Variants in GRIA4 observed in about 807,000 individuals in gnomAD.
The protein encoded by GRIA4 is glutamate ionotropic receptor AMPA type subunit 4.
A neutral mutation model predicts 104.0 loss-of-function variants in GRIA4; 34 were observed. That is an observed-to-expected ratio of 0.33 (90% CI 0.25 to 0.44). The LOEUF (loss-of-function observed/expected upper bound fraction) is 0.44, where lower values mean the gene tolerates loss of function less well. Ranked by LOEUF, GRIA4 falls within the 20% of genes least tolerant of loss-of-function variation. The pLI, the probability that GRIA4 is intolerant of heterozygous loss-of-function variation, is 1.00. For synonymous variants in GRIA4, 386 were observed against 381.9 expected (o/e 1.01, Z -0.13); for missense variants, 750 against 1,096.5 (o/e 0.68, Z 4.46).
intron 7 of GRIA4, among the ~76,000 whole-genome samples, chr11:105,902,825 G>A (rs1946907713): frequency 6.6e-6 from 1 of 152,148 alleles, no homozygotes; most frequent in African/African-American, 2.4e-5. Flanking sequence ...ATGATTAGTA[G>A]TTAGTAGTTG....
At chr11:105,632,783 A>G (rs1951068585) in intron 3 of GRIA4, among the ~76,000 whole-genome samples, 1 of 152,174 alleles carries the variant, frequency 6.6e-6, no homozygotes, top group South Asian at 2.1e-4. Context: ...AATAATAAAT[A>G]ATTAAAAAGA....
At chr11:105,918,669 G>A (rs1373726272) in intron 10 of GRIA4, 43 bp from the exon 11 acceptor site, 3 of 976,246 alleles carry the variant, frequency 3.1e-6, no homozygotes, top group Admixed American at 3.8e-5. Context: ...TTTTTCAAAT[G>A]TTTTATAATT....
intron 5 of GRIA4, among the ~76,000 whole-genome samples, chr11:105,865,220 A>G (rs1945361135): frequency 6.6e-6 from 1 of 152,238 alleles, no homozygotes; most frequent in Non-Finnish European, 1.5e-5. Context: ...AAATGGAAGA[A>G]TGTATGTAAA....
At chr11:105,740,749 A>G (rs1939254387) in intron 3 of GRIA4, among the ~76,000 whole-genome samples, 1 of 152,070 alleles carries the variant, frequency 6.6e-6, no homozygotes, top group Non-Finnish European at 1.5e-5. Flanking sequence ...GTCCAACTAT[A>G]TGTAGATCAG....
intron 5 of GRIA4, among the ~76,000 whole-genome samples, chr11:105,869,738 G>C (rs925651615): frequency 6.6e-5 from 10 of 151,982 alleles, no homozygotes; most frequent in African/African-American, 1.7e-4. Flanking sequence ...CTCTCTGCCA[G>C]CAAATGAAGT....
intron 3 of GRIA4, among the ~76,000 whole-genome samples, chr11:105,673,800 A>G (rs903488261): frequency 1.3e-5 from 2 of 152,012 alleles, no homozygotes; most frequent in African/African-American, 4.8e-5. Flanking sequence ...AAATAAATAA[A>G]TATTTAAAAC....
At chr11:105,940,052 G>A (rs1948145166) in intron 14 of GRIA4, among the ~76,000 whole-genome samples, 2 of 152,042 alleles carry the variant, frequency 1.3e-5, no homozygotes, top group Admixed American at 1.3e-4. Flanking sequence ...CGTGGTGGTA[G>A]AGTACAGAAG....
At chr11:105,849,189 A>G (rs1944707251) in intron 4 of GRIA4, among the ~76,000 whole-genome samples, 1 of 152,136 alleles carries the variant, frequency 6.6e-6, no homozygotes, top group South Asian at 2.1e-4. Flanking sequence ...GCTAGACTCC[A>G]TCTCAAAAAA....
chr11:105,773,878 A>G (rs1464781563), intron 4 of GRIA4, among the ~76,000 whole-genome samples: 1 of 152,134 alleles, frequency 6.6e-6, no homozygotes, highest in East Asian at 1.9e-4. Context: ...AGGGCAAAAA[A>G]AAAAAAAGTA....
At chr11:105,912,476 TC>T (rs1157374913) in intron 10 of GRIA4, 1 of 909,698 alleles carries the variant, frequency 1.1e-6, no homozygotes, top group African/African-American at 1.9e-5. Context: ...AAGCATGCTA[TC>T]AAAAAAAAAA....
chr11:105,679,658 T>C (rs903009161), intron 3 of GRIA4, among the ~76,000 whole-genome samples: 1 of 152,090 alleles, frequency 6.6e-6, no homozygotes, highest in African/African-American at 2.4e-5. Flanking sequence ...TTATGTTATA[T>C]GACAAGAGAA....
At chr11:105,920,200 C>A (rs1283596771) in intron 11 of GRIA4, among the ~76,000 whole-genome samples, 3 of 151,816 alleles carry the variant, frequency 2.0e-5, no homozygotes, top group Admixed American at 6.6e-5. Context: ...GCTTAGGTGA[C>A]CCTAAATGAG....
rs866836494 is a variant in GRIA4 at position 105,787,514 on chromosome 11, C to T, written c.487+34294C>T. Among the ~76,000 whole-genome samples the T allele has an allele frequency of 3.5e-4, 38 of 109,660 alleles. No homozygotes were observed. The Middle Eastern group carries it at 0.047, about 134-fold the overall frequency. The allele number at this position is 109,660 out of a possible 152,430, so 71.9% of individuals were successfully genotyped here. On this transcript the variant is annotated intron_variant, in intron 4 of 16. Coordinates refer to ENST00000282499, the MANE Select transcript of GRIA4 (RefSeq NM_000829.4). ...TTTTTGAGATGGAGTCTTGTTCTGT[C>T]GCCTAGGCTGGAGTGCAATGGAGCG...
At chr11:105,641,968 C>T (rs12276927) in intron 3 of GRIA4, among the ~76,000 whole-genome samples, 3 of 152,156 alleles carry the variant, frequency 2.0e-5, no homozygotes, top group Non-Finnish European at 4.4e-5. Context: ...GTGGTTTCTT[C>T]TGAGGCCTTT....
chr11:105,833,350 C>G (rs1053910929), intron 4 of GRIA4, among the ~76,000 whole-genome samples: 2 of 151,936 alleles, frequency 1.3e-5, no homozygotes, highest in African/African-American at 4.8e-5. Flanking sequence ...ATATCTCAGT[C>G]CTTCCATTTC....
chr11:105,683,831 TA>T (rs2135472640), intron 3 of GRIA4, among the ~76,000 whole-genome samples: 1 of 152,216 alleles, frequency 6.6e-6, no homozygotes, highest in Admixed American at 6.5e-5. Context: ...GTAATGGAAT[TA>T]AATGCGTAAA....
At chr11:105,793,262 T>TGG (rs1942295866) in intron 4 of GRIA4, among the ~76,000 whole-genome samples, 1 of 152,134 alleles carries the variant, frequency 6.6e-6, no homozygotes, top group Admixed American at 6.6e-5. Context: ...TCCACAAGTC[T>TGG]GCACCATTTC....
chr11:105,860,175 C>T (rs967105667), intron 4 of GRIA4, among the ~76,000 whole-genome samples: 1 of 152,020 alleles, frequency 6.6e-6, no homozygotes, highest in Admixed American at 6.6e-5. Flanking sequence ...AAAAATGAAT[C>T]CTGACTGCCA....
At chr11:105,729,071 T>G (rs1049914718) in intron 3 of GRIA4, among the ~76,000 whole-genome samples, 5 of 152,088 alleles carry the variant, frequency 3.3e-5, no homozygotes, top group Admixed American at 2.6e-4. Flanking sequence ...GGGAGCTAGT[T>G]TTTTGAAAAG....
Sources: allele counts gnomAD v4.1 joint callset (sites outside exome capture counted in the v4.1 genomes callset), GRCh38; gene constraint gnomAD v4.1.1; transcripts MANE v1.5; gene names NCBI Gene and HGNC (gene_info 2026-07-23, HGNC 2026-07-21).